DMD: variants seen among roughly 807,000 people sequenced by gnomAD.
DMD encodes dystrophin.
DMD carries 63 observed loss-of-function variants against 330.1 expected under a neutral mutation model. The ratio of observed to expected loss-of-function variants is 0.19; its 90% CI spans 0.16 to 0.24. The LOEUF (loss-of-function observed/expected upper bound fraction) is 0.24, where lower values mean the gene tolerates loss of function less well. DMD is among the 10% of genes least tolerant of loss of function. The pLI is 1.00. For missense variants in DMD, 3,344 were observed against 2,684.1 expected (o/e 1.25, Z -5.43); for synonymous variants, 1,223 against 959.8 (o/e 1.27, Z -5.07).
chrX:32,326,160 A>G (rs1192742728), intron 41 of DMD, among the ~76,000 whole-genome samples: 1 of 111,956 alleles, frequency 8.9e-6, no homozygotes, highest in Non-Finnish European at 1.9e-5. Flanking sequence ...TGATATACTG[A>G]TAACAGTATT....
intron 2 of DMD, among the ~76,000 whole-genome samples, chrX:33,008,980 A>C (rs1443752364): frequency 2.0e-5 from 2 of 97,951 alleles, no homozygotes; most frequent in Admixed American, 1.1e-4. Flanking sequence ...ATATACACTT[A>C]TGTATATATA....
chrX:31,511,329 T>C (rs186318702), intron 55 of DMD, among the ~76,000 whole-genome samples: 78 of 89,235 alleles, frequency 8.7e-4, no homozygotes, highest in Non-Finnish European at 6.4e-4. Context: ...TATTTATTTA[T>C]TTATTTATTA....
intron 51 of DMD, among the ~76,000 whole-genome samples, chrX:31,731,482 G>A (rs16989800): frequency 0.085 from 9,420 of 111,257 alleles, 349 homozygotes; most frequent in African/African-American, 0.14. Flanking sequence ...TTTTTAAAAC[G>A]GACTTACCCA....
intron 73 of DMD, among the ~76,000 whole-genome samples, chrX:31,171,241 A>G (rs1401606569): frequency 8.9e-6 from 1 of 112,073 alleles, no homozygotes; most frequent in Non-Finnish European, 1.9e-5. Context: ...CAAATGACTG[A>G]GGGTTGACTT....
chrX:31,690,212 T>C (rs1472139665), intron 52 of DMD, among the ~76,000 whole-genome samples: 2 of 110,982 alleles, frequency 1.8e-5, no homozygotes, highest in African/African-American at 6.6e-5. Flanking sequence ...ATTTTTGCAA[T>C]CTACTCATCT....
chrX:31,917,644 C>T (rs890434826), intron 47 of DMD, among the ~76,000 whole-genome samples: 2 of 112,518 alleles, frequency 1.8e-5, no homozygotes, highest in Middle Eastern at 4.6e-3. Flanking sequence ...TTCTGTAGAG[C>T]ATCAATTATT....
intron 2 of DMD, among the ~76,000 whole-genome samples, chrX:32,908,290 T>C (rs778416626): frequency 2.7e-5 from 3 of 112,073 alleles, no homozygotes; most frequent in African/African-American, 9.7e-5. Flanking sequence ...CACAGCTGCA[T>C]ATTATATTTT....
At chrX:32,212,930 T>C (rs1476174190) in intron 44 of DMD, among the ~76,000 whole-genome samples, 1 of 111,159 alleles carries the variant, frequency 9.0e-6, no homozygotes, top group African/African-American at 3.3e-5. Flanking sequence ...GGAACCAGAT[T>C]ATCTTTCTAC....
At chrX:31,379,494 C>T (rs938937755) in intron 60 of DMD, among the ~76,000 whole-genome samples, 2 of 111,205 alleles carry the variant, frequency 1.8e-5, no homozygotes, top group Non-Finnish European at 3.8e-5. Context: ...GTCAAAAGGC[C>T]GTCTTATTCT....
chrX:32,715,696 G>C (rs2065648500), intron 7 of DMD, among the ~76,000 whole-genome samples: 1 of 109,777 alleles, frequency 9.1e-6, no homozygotes, highest in Admixed American at 9.8e-5. Flanking sequence ...AGCTACTTGG[G>C]AGGCTGAGGT....
intron 2 of DMD, among the ~76,000 whole-genome samples, chrX:32,850,458 C>T (rs771688474): frequency 3.5e-4 from 38 of 107,532 alleles, no homozygotes; most frequent in Non-Finnish European, 5.8e-4. Context: ...ACATTTTTAA[C>T]GTAAATACTC....
At chrX:32,228,089 G>A (rs927974739) in intron 43 of DMD, among the ~76,000 whole-genome samples, 2 of 111,223 alleles carry the variant, frequency 1.8e-5, no homozygotes, top group Admixed American at 9.6e-5. Flanking sequence ...TTTGGCTTAG[G>A]GGAAAACACC....
intron 60 of DMD, among the ~76,000 whole-genome samples, chrX:31,396,870 A>G (rs1208254723): frequency 8.9e-6 from 1 of 111,824 alleles, no homozygotes; most frequent in African/African-American, 3.3e-5. Flanking sequence ...AAAATCAAGA[A>G]TCTGTGTTAG....
At chrX:31,256,574 C>A (rs1429039516) in intron 63 of DMD, among the ~76,000 whole-genome samples, 5 of 111,336 alleles carry the variant, frequency 4.5e-5, no homozygotes, top group Admixed American at 9.6e-5. Context: ...ATTTTTTAAT[C>A]AAAAAAGTTC....
intron 43 of DMD, among the ~76,000 whole-genome samples, chrX:32,232,865 G>A (rs1302301878): frequency 2.7e-5 from 3 of 111,539 alleles, no homozygotes; most frequent in Admixed American, 9.6e-5. Context: ...TATAGCTGCC[G>A]TAGAAAGAGA....
chrX:31,305,900 T>C (rs181306412), intron 62 of DMD, among the ~76,000 whole-genome samples: 2 of 112,446 alleles, frequency 1.8e-5, no homozygotes, highest in Admixed American at 1.9e-4. Context: ...GTAACACCAT[T>C]GAAAGTGAGG....
At chrX:31,701,239 T>G (rs931303138) in intron 52 of DMD, among the ~76,000 whole-genome samples, 3 of 112,281 alleles carry the variant, frequency 2.7e-5, no homozygotes, top group Non-Finnish European at 5.6e-5. Flanking sequence ...CCTTGCCACT[T>G]CAACTTTTAC....
intron 72 of DMD, 106 bp downstream of exon 72, chrX:31,173,433 C>T: frequency 1.1e-6 from 1 of 944,178 alleles, no homozygotes; most frequent in African/African-American, 1.9e-5. Context: ...AGGAATCAGA[C>T]AAGTTTGGGG....
intron 51 of DMD, among the ~76,000 whole-genome samples, chrX:31,754,047 G>A (rs747270816): frequency 7.2e-5 from 8 of 111,464 alleles, no homozygotes; most frequent in Non-Finnish European, 1.5e-4. Flanking sequence ...TGAAGTCTAT[G>A]GCATGGCTGT....
Sources: gnomAD v4.1 joint callset for allele counts (sites outside exome capture counted in the v4.1 genomes callset) on GRCh38, gnomAD v4.1.1 for gene constraint, MANE v1.5 for transcripts, NCBI Gene and HGNC (gene_info 2026-07-23, HGNC 2026-07-21) for gene names.